Variants in CHM observed in about 807,000 individuals in gnomAD.
The protein encoded by CHM is rab proteins geranylgeranyltransferase component A 1.
CHM carries 10 observed loss-of-function variants against 49.0 expected under a neutral mutation model. The ratio of observed to expected loss-of-function variants is 0.20; its 90% confidence interval spans 0.13 to 0.35. The LOEUF is 0.35. Ranked by LOEUF, CHM falls within the 10% of genes least tolerant of loss-of-function variation. CHM has a pLI of 1.00. For synonymous variants in CHM, 184 were observed against 167.5 expected (o/e 1.10, Z -0.76); for missense variants, 455 against 478.4 (o/e 0.95, Z 0.46).
At position 85,873,133 on chromosome X, in the gene CHM, G is replaced by C; in HGVS notation, c.1689C>G (p.Ser563Arg). ...NMRDSSDISR[S>R]CYNDLPSNVY... is the part of the protein sequence containing the mutation. The stretch of plus-strand genomic sequence containing the variant: ...CGTTGGATGGTAAATCATTATAACA[G>C]CTCCTGCTGATGTCTGACGAATCTC... Residue 563 changes from serine (S) to arginine (R), a missense_variant, in exon 14 of 15, where the codon AGC becomes AGG. Physicochemically the swap from Ser to Arg is moderately radical, Grantham distance 110. Coordinates refer to ENST00000357749, the MANE Select transcript of CHM (RefSeq NM_000390.4). 8.3e-7 allele frequency: 1 copy of C among 1,205,604 alleles called. No individual in the cohort carries two copies. The highest frequency in any genetic ancestry group is 1.1e-6 in the Non-Finnish European group (1 of 890,767).
chrX:86,020,083 C>T (rs2147779950), intron 2 of CHM, among the ~76,000 whole-genome samples: 1 of 111,542 alleles, frequency 9.0e-6, no homozygotes, highest in Admixed American at 9.6e-5. Flanking sequence ...CTTCTAATTT[C>T]AACTCTCATG....
chrX:85,894,134 C>T (rs1925659468), intron 12 of CHM, 54 bp downstream of exon 12: 1 of 884,051 alleles, frequency 1.1e-6, no homozygotes. Context: ...AATAACTGCC[C>T]CCTTTACCCC....
chrX:85,870,646 C>T (rs1411205725), intron 14 of CHM, among the ~76,000 whole-genome samples: 2 of 111,730 alleles, frequency 1.8e-5, no homozygotes, highest in Admixed American at 1.9e-4. Context: ...ATGGAACTGT[C>T]CATCAGTACG....
chrX:85,999,063 T>C (rs1188295737), intron 2 of CHM, among the ~76,000 whole-genome samples: 1 of 110,971 alleles, frequency 9.0e-6, no homozygotes, highest in Non-Finnish European at 1.9e-5. Context: ...TTTATCACAA[T>C]TCCTAAATAG....
intron 4 of CHM, among the ~76,000 whole-genome samples, chrX:85,974,910 G>C (rs1198535309): frequency 9.0e-6 from 1 of 110,986 alleles, no homozygotes; most frequent in Non-Finnish European, 1.9e-5. Context: ...AGACAAGCTA[G>C]AGTCATGGGG....
chrX:85,932,167 G>A (rs2038517772), intron 8 of CHM, among the ~76,000 whole-genome samples: 1 of 111,946 alleles, frequency 8.9e-6, no homozygotes, highest in East Asian at 2.8e-4. Context: ...AATTTAATCT[G>A]CAAGGTTGAC....
At chrX:86,031,589 C>G (rs1934046085) in intron 1 of CHM, among the ~76,000 whole-genome samples, 1 of 112,553 alleles carries the variant, frequency 8.9e-6, no homozygotes, top group East Asian at 2.8e-4. Context: ...ACCTGTAATC[C>G]CAGCACTTTG....
At chrX:85,983,227 G>T (rs183650065) in intron 2 of CHM, among the ~76,000 whole-genome samples, 2 of 110,771 alleles carry the variant, frequency 1.8e-5, no homozygotes, top group Non-Finnish European at 3.8e-5. Flanking sequence ...GGTCTCTTCG[G>T]AAATAATGTA....
intron 2 of CHM, among the ~76,000 whole-genome samples, chrX:85,985,577 C>T (rs1931861011): frequency 8.9e-6 from 1 of 112,084 alleles, no homozygotes; most frequent in African/African-American, 3.2e-5. Context: ...GACAGCATTT[C>T]TTAAGTGGAA....
chrX:85,955,469 G>A (rs748033621), intron 8 of CHM, among the ~76,000 whole-genome samples: 10 of 112,087 alleles, frequency 8.9e-5, no homozygotes, highest in Non-Finnish European at 1.9e-4. Flanking sequence ...TGAATGGCCA[G>A]TAAACATATG....
intron 8 of CHM, among the ~76,000 whole-genome samples, chrX:85,936,221 C>T (rs1482663783): frequency 9.0e-6 from 1 of 111,578 alleles, no homozygotes; most frequent in Non-Finnish European, 1.9e-5. Flanking sequence ...ATGTTAATAC[C>T]AAATCTAGTT....
chrX:85,999,186 A>C (rs748407389), intron 2 of CHM, among the ~76,000 whole-genome samples: 2 of 111,532 alleles, frequency 1.8e-5, no homozygotes, highest in Non-Finnish European at 3.8e-5. Context: ...CTAAGATAAT[A>C]CTATTTAGAT....
chrX:86,025,857 C>T (rs1438995509), intron 2 of CHM, among the ~76,000 whole-genome samples: 1 of 110,854 alleles, frequency 9.0e-6, no homozygotes, highest in Non-Finnish European at 1.9e-5. Context: ...TGGGATAACA[C>T]CACCTACCTT....
At chrX:85,910,025 T>C (rs1237427846) in intron 9 of CHM, among the ~76,000 whole-genome samples, 1 of 111,905 alleles carries the variant, frequency 8.9e-6, no homozygotes, top group Non-Finnish European at 1.9e-5. Flanking sequence ...CTATCATGTT[T>C]CATTTTGTAC....
intron 8 of CHM, among the ~76,000 whole-genome samples, chrX:85,937,139 G>A (rs966250455): frequency 2.8e-5 from 3 of 108,432 alleles, no homozygotes; most frequent in South Asian, 4.1e-4. Flanking sequence ...GGTTGCGGGC[G>A]CCTGTAGTCC....
chrX:85,930,185 C>T (rs994176787), intron 8 of CHM, among the ~76,000 whole-genome samples: 3 of 112,194 alleles, frequency 2.7e-5, no homozygotes, highest in African/African-American at 6.5e-5. Context: ...TAAAGTGTGT[C>T]TGTGTATGCA....
rs141429711 is a variant in CHM, at chrX:85,922,182, T to C, written c.1167-10844A>G. ...GTTACATACTTATATTGCATATTTA[T>C]ATTACTAAATCATGTAGTAGTAATA... is the stretch of plus-strand genomic sequence containing the variant. On this transcript the variant is annotated intron_variant, in intron 8 of 14. Transcript: ENST00000357749. Among the ~76,000 whole-genome samples, 946 of 112,498 alleles carry C rather than the reference T, an allele frequency of 8.4e-3. 12 individuals carry two copies. Among genetic ancestry groups the C allele is most frequent in the African/African-American group, 0.029 (912 of 30,992 alleles).
chrX:85,871,320 A>AAAG (rs1556203128), intron 14 of CHM, among the ~76,000 whole-genome samples: 2 of 103,006 alleles, frequency 1.9e-5, no homozygotes, highest in African/African-American at 7.6e-5. Context: ...AAAAAAAAAA[A>AAAG]AAGAAGAAAT....
intron 2 of CHM, among the ~76,000 whole-genome samples, chrX:86,014,546 G>A (rs1055198182): frequency 8.9e-5 from 10 of 112,906 alleles, no homozygotes; most frequent in Non-Finnish European, 1.5e-4. Flanking sequence ...ACTGTAATTT[G>A]AAACTGAAGG....
Sources: gnomAD v4.1 joint callset for allele counts (sites outside exome capture counted in the v4.1 genomes callset) on GRCh38, gnomAD v4.1.1 for gene constraint, MANE v1.5 for transcripts, NCBI Gene and HGNC (gene_info 2026-07-23, HGNC 2026-07-21) for gene names.